Variants in ESRRG observed in about 807,000 individuals in gnomAD.
ESRRG encodes the protein estrogen related receptor gamma.
In ESRRG, 13 loss-of-function variants were observed where a neutral mutation model predicts 44.0. The observed-to-expected ratio is 0.30, with a 90% CI of 0.19 to 0.47. The LOEUF is 0.47. Ranked by LOEUF, ESRRG falls within the 20% of genes least tolerant of loss-of-function variation. The pLI is 1.00. For missense variants in ESRRG, 395 were observed against 580.6 expected (o/e 0.68, Z 3.29); for synonymous variants, 215 against 214.6 (o/e 1.00, Z -0.02).
intron 2 of ESRRG, among the ~76,000 whole-genome samples, chr1:216,795,453 G>T (rs1386784498): frequency 2.7e-5 from 4 of 145,514 alleles, no homozygotes; most frequent in Non-Finnish European, 6.0e-5. Flanking sequence ...CGATTCTCCT[G>T]CCTCAGCCTC....
chr1:217,004,471 C>A (rs2077464135), intron 1 of ESRRG, among the ~76,000 whole-genome samples: 1 of 152,170 alleles, frequency 6.6e-6, no homozygotes, highest in African/African-American at 2.4e-5. Context: ...TCTCCTTTGC[C>A]TTCTGCCATG....
intron 2 of ESRRG, among the ~76,000 whole-genome samples, chr1:216,837,629 T>C (rs2095588447): frequency 6.6e-6 from 1 of 151,282 alleles, no homozygotes; most frequent in African/African-American, 2.4e-5. Flanking sequence ...TCTGAGAGAG[T>C]GGGCTGGAGA....
At chr1:216,580,661 G>C (rs970903362) in intron 3 of ESRRG, among the ~76,000 whole-genome samples, 1 of 152,180 alleles carries the variant, frequency 6.6e-6, no homozygotes, top group African/African-American at 2.4e-5. Flanking sequence ...AGATGAATGA[G>C]TTTGATCACA....
At chr1:217,094,367 T>C (rs1424775223), upstream of ESRRG, among the ~76,000 whole-genome samples, 1 of 152,268 alleles carries the variant, frequency 6.6e-6, no homozygotes, top group East Asian at 1.9e-4. Context: ...ACGTGTAGCT[T>C]GAATTAAATC....
chr1:216,735,539 A>G (rs994335926), intron 2 of ESRRG, among the ~76,000 whole-genome samples: 3 of 152,102 alleles, frequency 2.0e-5, no homozygotes, highest in East Asian at 1.9e-4. Context: ...TTGTGCAGCA[A>G]TGGCAAATCC....
chr1:217,028,576 T>G (rs936719381), intron 1 of ESRRG, among the ~76,000 whole-genome samples: 2 of 152,228 alleles, frequency 1.3e-5, no homozygotes, highest in Admixed American at 1.3e-4. Flanking sequence ...TTCAATTTTA[T>G]GTCTTTGGGA....
chr1:217,036,881 G>A (rs1009510006), intron 1 of ESRRG, among the ~76,000 whole-genome samples: 11 of 151,770 alleles, frequency 7.2e-5, no homozygotes, highest in African/African-American at 2.4e-4. Flanking sequence ...CAGCCAATCA[G>A]TCAGCAGCGT....
chr1:216,967,585 GTGAATAATACTCCGT>G (rs2150247299), intron 1 of ESRRG, among the ~76,000 whole-genome samples: 1 of 152,222 alleles, frequency 6.6e-6, no homozygotes, highest in East Asian at 1.9e-4. Flanking sequence ...CTTTTTAGCA[GTGAATAATACTCCGT>G]TGTCTGGATG....
intron 2 of ESRRG, among the ~76,000 whole-genome samples, chr1:216,886,463 AC>A (rs2096519586): frequency 6.6e-6 from 1 of 152,196 alleles, no homozygotes; most frequent in South Asian, 2.1e-4. Context: ...CTAATGGCAA[AC>A]AAAACATATA....
In ESRRG at chr1:216,878,528, A is replaced by C. The variant is rs570196828; in HGVS notation, c.-14+61054T>G. 7.9e-4 allele frequency among the ~76,000 whole-genome samples: 120 copies of C among 152,308 alleles called. 1 individual carries two copies. The highest frequency in any genetic ancestry group is 2.4e-3 in the Admixed American group (36 of 15,302). ...CTGCATTTTCTTCTATTTCTTTCAT[A>C]GTTTTACCTTCCACATTTATCTCTA... On this transcript the variant is annotated intron_variant, in intron 2 of 7. Transcript: ENST00000359162.
At chr1:216,519,876 C>A (rs2148925102) in intron 5 of ESRRG, among the ~76,000 whole-genome samples, 1 of 141,622 alleles carries the variant, frequency 7.1e-6, no homozygotes, top group Non-Finnish European at 1.5e-5. Flanking sequence ...GGTAAACAAA[C>A]AATTTAGGCC....
At chr1:216,685,348 A>C in intron 1 of ESRRG, among the ~76,000 whole-genome samples, 1 of 152,222 alleles carries the variant, frequency 6.6e-6, no homozygotes, top group Non-Finnish European at 1.5e-5. Flanking sequence ...TGCCATGAGC[A>C]GACCTCCTCT....
rs557296904 is a variant in ESRRG, at chr1:216,836,383, A to AG, written c.-14+103198dup. Among the ~76,000 whole-genome samples, 18 of 152,376 alleles carry AG rather than the reference A, an allele frequency of 1.2e-4. No homozygotes were observed. The South Asian group carries it at 3.7e-3, about 32-fold the overall frequency. ...AAGAATAAGAGAAAACAAGAAAATT[A>AG]GGTTGCTGTCTCACCAGTGAGTTGA... On this transcript the variant is annotated intron_variant, in intron 2 of 7. Transcript: ENST00000359162.
At chr1:216,985,012 C>A (rs1247363400) in intron 1 of ESRRG, among the ~76,000 whole-genome samples, 2 of 152,178 alleles carry the variant, frequency 1.3e-5, no homozygotes, top group Non-Finnish European at 2.9e-5. Context: ...TCAATGGTTT[C>A]CTCACAGGCT....
intron 1 of ESRRG, among the ~76,000 whole-genome samples, chr1:217,038,637 T>C (rs2083324435): frequency 6.6e-6 from 1 of 152,106 alleles, no homozygotes; most frequent in Non-Finnish European, 1.5e-5. Context: ...GAGCAGGGGG[T>C]TCCCTAGGCT....
At chr1:216,723,178 A>C in intron 1 of ESRRG, 66 bp downstream of exon 1, 9 of 1,273,560 alleles carry the variant, frequency 7.1e-6, no homozygotes, top group East Asian at 2.3e-5. Context: ...GTAAAGATAT[A>C]GTCTGTCCGC....
At position 216,642,053 on chromosome 1, in the gene ESRRG, C is replaced by T. The variant is rs188879368; in HGVS notation, c.589+8920G>A. 6.0e-3 allele frequency among the ~76,000 whole-genome samples: 906 copies of T among 152,232 alleles called. 4 individuals carry two copies. Among genetic ancestry groups the T allele is most frequent in the Non-Finnish European group, 9.8e-3 (666 of 68,004 alleles). ...ATAATACCCATAGCCTCTGAAGAATCCCAAGCCAAATACATACATGAATAT... is the reference window on the plus strand; with the variant it reads ...ATAATACCCATAGCCTCTGAAGAATTCCAAGCCAAATACATACATGAATAT... On this transcript the variant is annotated intron_variant, in intron 3 of 6. Coordinates refer to ENST00000408911, the MANE Select transcript of ESRRG (RefSeq NM_001438.4).
chr1:216,827,981 AT>A (rs1301798970), intron 2 of ESRRG, among the ~76,000 whole-genome samples: 2 of 152,142 alleles, frequency 1.3e-5, no homozygotes, highest in Non-Finnish European at 2.9e-5. Flanking sequence ...GAACTTCTGA[AT>A]TTTCTTTGCA....
At chr1:217,132,946 C>T (rs115438801) in intron 1 of ESRRG, among the ~76,000 whole-genome samples, 3,199 of 152,294 alleles carry the variant, frequency 0.021, 65 homozygotes, top group Non-Finnish European at 0.024. Flanking sequence ...CCCTTCCATA[C>T]CCCGAAAGTT....
Sources: gnomAD v4.1 joint callset for allele counts (sites outside exome capture counted in the v4.1 genomes callset) on GRCh38, gnomAD v4.1.1 for gene constraint, MANE v1.5 for transcripts, NCBI Gene and HGNC (gene_info 2026-07-23, HGNC 2026-07-21) for gene names.